P2RX5: variants seen among roughly 807,000 people sequenced by gnomAD.
P2RX5 encodes P2X purinoceptor 5.
A neutral mutation model predicts 54.1 loss-of-function variants in P2RX5; 46 were observed. The ratio of observed to expected loss-of-function variants is 0.85; its 90% CI spans 0.67 to 1.09. The LOEUF (loss-of-function observed/expected upper bound fraction) is 1.09, where lower values mean the gene tolerates loss of function less well. P2RX5 is among the 50% of genes least tolerant of loss of function. P2RX5 has a pLI of 0.00. For synonymous variants in P2RX5, 226 were observed against 226.4 expected (o/e 1.00, Z 0.02); for missense variants, 566 against 549.8 (o/e 1.03, Z -0.29).
At chr17:3,723,153 C>A in the P2RX5 span, 2 of 650,814 alleles carry the variant, frequency 3.1e-6, no homozygotes, top group East Asian at 2.8e-5. Flanking sequence ...CGGGTTGGGA[C>A]AGAGGGTTGG....
the P2RX5 span, chr17:3,720,673 G>T: frequency 1.6e-5 from 4 of 254,124 alleles, no homozygotes; most frequent in South Asian, 1.9e-4. Context: ...CCTCCACCCC[G>T]TCAGGTTCAA....
At chr17:3,677,764 T>C (rs747307238) in intron 11 of P2RX5, 6 of 985,354 alleles carry the variant, frequency 6.1e-6, no homozygotes, top group Admixed American at 6.1e-5. Flanking sequence ...ACAGCTCATA[T>C]GAATGAGTGA....
Position 3,696,115 on chromosome 17 carries a change from C to A in P2RX5, c.-110G>T. On this transcript the variant is annotated 5_prime_UTR_variant, in exon 1 of 12. Coordinates refer to ENST00000225328, the MANE Select transcript of P2RX5 (RefSeq NM_002561.4). ...GCGCCCGCCTCGGCCCGTCTGCGCC[C>A]GCTCAGCTGCAGCCCGGGGTGTCCG... 8.2e-7 allele frequency: 1 copy of A among 1,218,930 alleles called. No homozygotes were observed. The highest frequency in any genetic ancestry group is 1.1e-6 in the Non-Finnish European group (1 of 923,882). The allele number at this position is 1,218,930 out of a possible 1,614,324, so 75.5% of individuals were successfully genotyped here.
At chr17:3,715,648 T>A in the P2RX5 span, among the ~76,000 whole-genome samples, 1 of 151,922 alleles carries the variant, frequency 6.6e-6, no homozygotes, top group African/African-American at 2.4e-5. Flanking sequence ...AGCCCCGGAG[T>A]TTGAGACCAG....
chr17:3,700,151 C>T (rs2050808490), upstream of P2RX5, among the ~76,000 whole-genome samples: 1 of 152,148 alleles, frequency 6.6e-6, no homozygotes, highest in Non-Finnish European at 1.5e-5. Flanking sequence ...ATGGCTGAGG[C>T]CAACTCACCA....
In P2RX5 at chr17:3,690,513, G is replaced by A. The variant is rs778541068; in HGVS notation, c.447C>T (p.Thr149=). The A allele has an allele frequency of 1.2e-5, 19 of 1,613,512 alleles. No homozygotes were observed. In the East Asian group the frequency reaches 1.8e-4, roughly 15 times the overall value. The part of the protein sequence containing the change: ...EAVTAGNGVK[T]GRCLRRENLA... ...AGTTCTCTCTCCGCAGGCAGCGGCC[G>A]GTCTTCACTCCTGCAGGGGTGGGAC... Residue 149 remains threonine, a synonymous_variant, in exon 5 of 12, where the codon ACC becomes ACT. Transcript: ENST00000225328.
the P2RX5 span, among the ~76,000 whole-genome samples, chr17:3,707,937 A>G: frequency 3.3e-5 from 5 of 151,750 alleles, no homozygotes; most frequent in African/African-American, 1.2e-4. Flanking sequence ...GGGCGCCTGT[A>G]GTCCCAGCTA....
At chr17:3,685,682 AC>A (rs2050436195) in intron 9 of P2RX5, 1 of 14,594 alleles carries the variant, frequency 6.9e-5, no homozygotes, top group Non-Finnish European at 1.3e-3. Context: ...AGGAGAACGC[AC>A]AGCGGGGCCC....
the P2RX5 span, among the ~76,000 whole-genome samples, chr17:3,705,162 G>A: frequency 6.6e-6 from 1 of 152,158 alleles, no homozygotes; most frequent in Non-Finnish European, 1.5e-5. Flanking sequence ...TTTCTCACAC[G>A]CATCCGCTCC....
chr17:3,719,889 G>A, the P2RX5 span, among the ~76,000 whole-genome samples: 1 of 152,142 alleles, frequency 6.6e-6, no homozygotes, highest in South Asian at 2.1e-4. Flanking sequence ...CATCATGTCC[G>A]GCTAATTTTT....
chr17:3,712,916 G>C, the P2RX5 span, among the ~76,000 whole-genome samples: 1 of 152,052 alleles, frequency 6.6e-6, no homozygotes, highest in Non-Finnish European at 1.5e-5. Flanking sequence ...GCACTCCAGC[G>C]TGGGCGACAG....
chr17:3,690,703 T>A (rs1383893777), intron 3 of P2RX5, 23 bp from the exon 4 acceptor site: 1 of 1,610,886 alleles, frequency 6.2e-7, no homozygotes, highest in African/African-American at 1.3e-5. Context: ...AAGGGGCACC[T>A]GGATGGGGGG....
chr17:3,680,371 GTCCTCCACCCTGCA>G (rs1450722594), intron 10 of P2RX5, among the ~76,000 whole-genome samples: 4 of 36,138 alleles, frequency 1.1e-4, no homozygotes, highest in Admixed American at 3.1e-4. Flanking sequence ...TCCACCCTGC[GTCCTCCACCCTGCA>G]TCCTCCACCC....
At chr17:3,675,977 C>A in intron 11 of P2RX5, 10 of 985,416 alleles carry the variant, frequency 1.0e-5, no homozygotes, top group Non-Finnish European at 1.2e-5. Context: ...TCCCTGGGCC[C>A]CTGACATCCC....
rs186913885 is a variant in P2RX5, at chr17:3,690,830, C to T, written c.360+126G>A. The T allele has an allele frequency of 4.4e-6, 5 of 1,134,308 alleles. No homozygotes were observed. The East Asian group carries it at 1.3e-4, about 29-fold the overall frequency. 70.3% of individuals were successfully genotyped at this position (1,134,308 alleles called of 1,614,324 possible). ...TCCCCCATATAATGCAGGAACCACA[C>T]CCGGGTGCACACAGCCACCCGAGAC... On this transcript the variant is annotated intron_variant, in intron 3 of 11. Transcript: ENST00000225328.
At chr17:3,677,147 C>A in intron 11 of P2RX5, 1 of 985,388 alleles carries the variant, frequency 1.0e-6, no homozygotes, top group Non-Finnish European at 1.2e-6. Flanking sequence ...GTGGCCGTGG[C>A]ATAAGACAGG....
At chr17:3,693,837 T>A (rs1171914226) in intron 1 of P2RX5, among the ~76,000 whole-genome samples, 1 of 152,166 alleles carries the variant, frequency 6.6e-6, no homozygotes, top group Non-Finnish European at 1.5e-5. Context: ...CTTCTTTTTT[T>A]TTTTTTGAGA....
intron 9 of P2RX5, among the ~76,000 whole-genome samples, chr17:3,685,241 G>T (rs940933123): frequency 1.3e-5 from 2 of 152,142 alleles, no homozygotes; most frequent in African/African-American, 2.4e-5. Flanking sequence ...GCCTCGGCTG[G>T]GGACTGACCT....
At chr17:3,685,265 G>C (rs996548091) in intron 9 of P2RX5, among the ~76,000 whole-genome samples, 1 of 152,202 alleles carries the variant, frequency 6.6e-6, no homozygotes. Context: ...CCCATGCACA[G>C]CTGCAGAGCT....
Sources: allele counts gnomAD v4.1 joint callset (sites outside exome capture counted in the v4.1 genomes callset), GRCh38; gene constraint gnomAD v4.1.1; transcripts MANE v1.5; gene names NCBI Gene and HGNC (gene_info 2026-07-23, HGNC 2026-07-21).